The following GPHN variants were observed in gnomAD, a reference collection of about 807,000 sequenced individuals.
GPHN encodes gephyrin.
A neutral mutation model predicts 95.5 loss-of-function variants in GPHN; 17 were observed. The ratio of observed to expected loss-of-function variants is 0.18; its 90% CI spans 0.12 to 0.27. The LOEUF (loss-of-function observed/expected upper bound fraction) is 0.27, where lower values mean the gene tolerates loss of function less well. Ranked by LOEUF, GPHN falls within the 10% of genes least tolerant of loss-of-function variation. The pLI, the probability that GPHN is intolerant of heterozygous loss-of-function variation, is 1.00. For missense variants in GPHN, 660 were observed against 978.1 expected, an observed-to-expected ratio of 0.67 and a Z score of 4.34; for synonymous variants, 320 against 322.5, an observed-to-expected ratio of 0.99 and a Z score of 0.08.
the GPHN span, among the ~76,000 whole-genome samples, chr14:67,296,744 C>G: frequency 6.6e-6 from 1 of 151,972 alleles, no homozygotes; most frequent in Admixed American, 6.6e-5. Flanking sequence ...ACCATATGAT[C>G]TTTGTTTTGA....
chr14:66,636,124 A>G (rs1049056048), intron 1 of GPHN, among the ~76,000 whole-genome samples: 7 of 152,156 alleles, frequency 4.6e-5, no homozygotes, highest in South Asian at 4.1e-4. Context: ...TTTGTTCATT[A>G]TTTTGCAAAG....
intron 14 of GPHN, 67 bp downstream of exon 14, chr14:67,110,326 G>C: frequency 6.4e-7 from 1 of 1,573,476 alleles, no homozygotes; most frequent in Non-Finnish European, 8.7e-7. Context: ...ACCATTTTCT[G>C]CAGTGTTTGT....
chr14:67,711,346 A>G, the GPHN span, among the ~76,000 whole-genome samples: 1 of 152,226 alleles, frequency 6.6e-6, no homozygotes, highest in African/African-American at 2.4e-5. Flanking sequence ...TGCTTGATTA[A>G]TAAATGCAAA....
intron 12 of GPHN, among the ~76,000 whole-genome samples, chr14:67,089,341 T>G (rs1353781359): frequency 6.6e-6 from 1 of 151,922 alleles, no homozygotes; most frequent in Non-Finnish European, 1.5e-5. Context: ...AATTTTTTAT[T>G]TTTAATATTT....
At chr14:67,418,571 A>T in the GPHN span, among the ~76,000 whole-genome samples, 1 of 152,136 alleles carries the variant, frequency 6.6e-6, no homozygotes, top group Non-Finnish European at 1.5e-5. Flanking sequence ...CGCGGCCCAG[A>T]TAGGGGCTGC....
At chr14:67,342,689 A>G in the GPHN span, among the ~76,000 whole-genome samples, 1 of 150,526 alleles carries the variant, frequency 6.6e-6, no homozygotes, top group African/African-American at 2.4e-5. Flanking sequence ...AGTTAATATA[A>G]CAGTTAATAT....
At chr14:67,010,631 T>A (rs2072938098) in intron 9 of GPHN, among the ~76,000 whole-genome samples, 1 of 151,974 alleles carries the variant, frequency 6.6e-6, no homozygotes, top group Non-Finnish European at 1.5e-5. Context: ...AAAAATTTCC[T>A]ACATGGAAAA....
the GPHN span, among the ~76,000 whole-genome samples, chr14:67,462,197 G>A: frequency 6.6e-6 from 1 of 152,176 alleles, no homozygotes; most frequent in South Asian, 2.1e-4. Context: ...GGGAGTGTGA[G>A]GGTTAAAGAT....
At chr14:67,199,061 CA>C in the GPHN span, 1 of 818,584 alleles carries the variant, frequency 1.2e-6, no homozygotes, top group East Asian at 2.5e-5. Flanking sequence ...GCTCTTTTGC[CA>C]TGGCTACCAG....
chr14:67,086,649 C>CGA (rs1555487041), intron 11 of GPHN, among the ~76,000 whole-genome samples: 25 of 84,582 alleles, frequency 3.0e-4, no homozygotes, highest in Non-Finnish European at 4.4e-4. Context: ...GACTCTGTCT[C>CGA]AAAAAAAAAA....
chr14:66,541,163 G>C (rs1177085171), intron 1 of GPHN, among the ~76,000 whole-genome samples: 1 of 152,118 alleles, frequency 6.6e-6, no homozygotes, highest in Non-Finnish European at 1.5e-5. Flanking sequence ...GGTCAGGCTG[G>C]TCTTGAATTC....
At chr14:67,549,614 C>T in the GPHN span, among the ~76,000 whole-genome samples, 4 of 152,242 alleles carry the variant, frequency 2.6e-5, no homozygotes, top group Non-Finnish European at 4.4e-5. Flanking sequence ...TAAGGCTGCC[C>T]TCCTGCTCAC....
chr14:67,266,864 T>C, the GPHN span, among the ~76,000 whole-genome samples: 32,637 of 151,792 alleles, frequency 0.22, 5,366 homozygotes, highest in East Asian at 0.49. Context: ...AATCCCAGCA[T>C]GTTGGGAGGC....
Position 66,740,249 on chromosome 14 carries a change from T to C in GPHN, c.144-36215T>C, listed in dbSNP as rs567757795. ...GAAGAAAACAAAAGGAAAAACATTA[T>C]GTGCAACAGTAGGGGAAGGATCAGA... is the stretch of plus-strand genomic sequence containing the variant. On this transcript the variant is annotated intron_variant, in intron 2 of 22. Transcript: ENST00000478722. 7.9e-5 allele frequency among the ~76,000 whole-genome samples: 12 copies of C among 152,250 alleles called. No individual in the cohort carries two copies. The East Asian group carries it at 2.3e-3, about 29-fold the overall frequency.
At chr14:66,695,483 T>C (rs1438324507) in intron 2 of GPHN, among the ~76,000 whole-genome samples, 1 of 152,236 alleles carries the variant, frequency 6.6e-6, no homozygotes, top group South Asian at 2.1e-4. Context: ...TTTTTTAACA[T>C]GCATTCCAGC....
the GPHN span, chr14:67,398,086 T>C: frequency 0.12 from 39,616 of 331,460 alleles, 5,477 homozygotes; most frequent in East Asian, 0.42. Context: ...AAAAATCACT[T>C]CCTGTAATCC....
At chr14:67,101,676 T>C (rs2077703453) in intron 13 of GPHN, among the ~76,000 whole-genome samples, 1 of 151,568 alleles carries the variant, frequency 6.6e-6, no homozygotes, top group South Asian at 2.1e-4. Flanking sequence ...ATACTTGCAA[T>C]ACATAGAAGA....
the GPHN span, among the ~76,000 whole-genome samples, chr14:67,545,945 TAA>T: frequency 5.7e-5 from 8 of 140,880 alleles, no homozygotes; most frequent in East Asian, 2.0e-4. Context: ...GCTCTGCTGC[TAA>T]AAAAAAAAAA....
chr14:66,510,406 A>C lies in GPHN; in HGVS notation c.64+1815A>C, dbSNP rs577462487. 2.6e-5 allele frequency among the ~76,000 whole-genome samples: 4 copies of C among 152,378 alleles called. No homozygotes were observed. The South Asian group carries it at 6.2e-4, about 24-fold the overall frequency. ...TTTCCATTAAATAATAGTTTCATTT[A>C]ACGAATCAACTTACCTTTGTGAAGT... is the stretch of plus-strand genomic sequence containing the variant. On this transcript the variant is annotated intron_variant, in intron 1 of 22. Transcript: ENST00000478722.
Sources: allele counts gnomAD v4.1 joint callset (sites outside exome capture counted in the v4.1 genomes callset), GRCh38; gene constraint gnomAD v4.1.1; transcripts MANE v1.5; gene names NCBI Gene and HGNC (gene_info 2026-07-23, HGNC 2026-07-21).